PASD1: variants seen among roughly 807,000 people sequenced by gnomAD.
PASD1 encodes the protein PAS domain containing repressor 1.
A neutral mutation model predicts 58.8 loss-of-function variants in PASD1; 13 were observed. The ratio of observed to expected loss-of-function variants is 0.22; its 90% CI spans 0.14 to 0.35. The LOEUF is 0.35. PASD1 is among the 10% of genes least tolerant of loss of function. The pLI, the probability that PASD1 is intolerant of heterozygous loss-of-function variation, is 1.00. For missense variants in PASD1, 734 were observed against 568.3 expected, an observed-to-expected ratio of 1.29 and a Z score of -2.96; for synonymous variants, 236 against 216.7, an observed-to-expected ratio of 1.09 and a Z score of -0.78.
At chrX:151,643,534 A>G (rs2014021886) in intron 8 of PASD1, among the ~76,000 whole-genome samples, 1 of 111,779 alleles carries the variant, frequency 8.9e-6, no homozygotes, top group African/African-American at 3.3e-5. Flanking sequence ...CTATCAAAAC[A>G]TTTCATGTAC....
intron 8 of PASD1, among the ~76,000 whole-genome samples, chrX:151,633,469 T>G (rs1006298130): frequency 5.7e-4 from 64 of 111,459 alleles, no homozygotes; most frequent in South Asian, 7.7e-4. Context: ...TGGTGTACAT[T>G]TAACTAATCA....
chrX:151,663,987 A>G (rs1382329555), intron 10 of PASD1, 132 bp from the exon 11 acceptor site: 1 of 980,306 alleles, frequency 1.0e-6, no homozygotes, highest in Non-Finnish European at 1.4e-6. Flanking sequence ...TTAAAATAAT[A>G]TTCTGAATGA....
At chrX:151,585,369 A>C (rs2013150043) in intron 1 of PASD1, among the ~76,000 whole-genome samples, 1 of 112,182 alleles carries the variant, frequency 8.9e-6, no homozygotes, top group African/African-American at 3.2e-5. Flanking sequence ...CTTGCTGCAG[A>C]GGGCTTCAAG....
chrX:151,631,533 T>G (rs755199250), intron 8 of PASD1, among the ~76,000 whole-genome samples: 61 of 112,005 alleles, frequency 5.4e-4, no homozygotes, highest in African/African-American at 1.9e-3. Flanking sequence ...GATGGCACAT[T>G]TTCACCCAAA....
chrX:151,580,144 C>T (rs941069025), intron 1 of PASD1, among the ~76,000 whole-genome samples: 10 of 112,096 alleles, frequency 8.9e-5, no homozygotes, highest in African/African-American at 3.2e-4. Flanking sequence ...GAACACTTTA[C>T]GTATAACTTT....
intron 3 of PASD1, among the ~76,000 whole-genome samples, chrX:151,605,444 C>T (rs1227030764): frequency 1.8e-5 from 2 of 111,526 alleles, no homozygotes; most frequent in East Asian, 5.6e-4. Flanking sequence ...CCACCCAGCA[C>T]TATGACCATT....
intron 9 of PASD1, among the ~76,000 whole-genome samples, chrX:151,659,259 CAGT>C (rs756904139): frequency 1.8e-5 from 2 of 112,197 alleles, no homozygotes; most frequent in South Asian, 7.5e-4. Context: ...ATGGCCTTAT[CAGT>C]GGTGGTGCAG....
At position 151,564,193 on chromosome X, in the gene PASD1, C is replaced by T. The variant is rs777039378; in HGVS notation, c.-28+354C>T. ...GAAGAATGGAAAGCTTGCGGTGTCG[C>T]GAATAGGCCGGTCTGAGCGGGCGGT... On this transcript the variant is annotated intron_variant, in intron 1 of 15. Coordinates refer to ENST00000370357, the MANE Select transcript of PASD1 (RefSeq NM_173493.3). 3.5e-4 allele frequency among the ~76,000 whole-genome samples: 40 copies of T among 112,988 alleles called. No individual in the cohort carries two copies. The South Asian group carries it at 9.4e-3, about 27-fold the overall frequency.
At position 151,661,061 on chromosome X, in the gene PASD1, A is replaced by G. The variant is rs60499789; in HGVS notation, c.841+1225A>G. On this transcript the variant is annotated intron_variant, in intron 10 of 15. Transcript: ENST00000370357. ...TCCCAGCTATTCAGGAGGCTGGGGC[A>G]GGAGAATGGCATGAACTCGGGAGGC... Among the ~76,000 whole-genome samples the G allele has an allele frequency of 9.3e-3, 1,036 of 110,821 alleles. 13 individuals are homozygous for G. Among genetic ancestry groups the G allele is most frequent in the African/African-American group, 0.033 (991 of 30,408 alleles).
chrX:151,672,490 G>A lies in PASD1; in HGVS notation c.1745G>A (p.Arg582Lys), dbSNP rs201389348. 8.3e-5 allele frequency: 100 copies of A among 1,210,210 alleles called. No homozygotes were observed. The highest frequency in any genetic ancestry group is 1.1e-4 in the Non-Finnish European group (97 of 895,327). ...CATAATGTCATCGTGGGGAATGAGA[G>A]GGTGCAGATATGCCTGCAAAACCCA... ...LKHNVIVGNE[R>K]VQICLQNPRD... is the part of the protein sequence containing the mutation. Residue 582 changes from arginine (R) to lysine (K), a missense_variant, in exon 14 of 16, where the codon AGG becomes AAG. By Grantham distance (26) the Arg-to-Lys change is conservative. Transcript: ENST00000370357.
chrX:151,652,545 A>C lies in PASD1; in HGVS notation c.717+3843A>C, dbSNP rs1248180999. On this transcript the variant is annotated intron_variant, in intron 9 of 15. Coordinates refer to ENST00000370357, the MANE Select transcript of PASD1 (RefSeq NM_173493.3). ...GAGACTCCGTCTCAAAAAAAAAAAA[A>C]ACAAAAAACAAACAAACAAAAAAAA... 3.8e-5 allele frequency among the ~76,000 whole-genome samples: 4 copies of C among 104,948 alleles called. No individual in the cohort carries two copies. The East Asian group carries it at 1.1e-3, about 30-fold the overall frequency. The allele number at this position is 104,948 out of a possible 115,157, so 91.1% of individuals were successfully genotyped here.
chrX:151,674,455 A>G lies in PASD1; in HGVS notation c.2175+269A>G, dbSNP rs773494655. The stretch of plus-strand genomic sequence containing the variant: ...CTCTCAAAACTATGTTACATGGGCA[A>G]AGTGAGCCATGCCATGTTTTTAATC... On this transcript the variant is annotated intron_variant, in intron 15 of 15. Transcript: ENST00000370357. Among the ~76,000 whole-genome samples the G allele has an allele frequency of 3.5e-5, 4 of 112,938 alleles. No homozygotes were observed. In the South Asian group the frequency reaches 1.5e-3, roughly 41 times the overall value.
intron 1 of PASD1, among the ~76,000 whole-genome samples, chrX:151,597,394 G>A (rs1453199780): frequency 1.8e-5 from 2 of 111,774 alleles, no homozygotes; most frequent in African/African-American, 6.5e-5. Flanking sequence ...TCCTTAAATA[G>A]GTTTGGGTAA....
At chrX:151,600,157 G>C (rs756027491) in intron 1 of PASD1, among the ~76,000 whole-genome samples, 1 of 111,482 alleles carries the variant, frequency 9.0e-6, no homozygotes, top group Non-Finnish European at 1.9e-5. Flanking sequence ...CCAGGCACTC[G>C]ACAGGCTGAG....
chrX:151,603,585 A>C (rs899208247), intron 2 of PASD1, among the ~76,000 whole-genome samples: 2 of 111,255 alleles, frequency 1.8e-5, no homozygotes, highest in Admixed American at 1.9e-4. Context: ...TTGTTTCTTG[A>C]GTTTGAAGAG....
At chrX:151,620,434 A>G (rs759108415) in intron 4 of PASD1, among the ~76,000 whole-genome samples, 2,711 of 39,445 alleles carry the variant, frequency 0.069, 39 homozygotes, top group Non-Finnish European at 0.19. Context: ...AGATGTTGAC[A>G]TTTCCCATTT....
intron 4 of PASD1, among the ~76,000 whole-genome samples, chrX:151,614,174 G>A (rs930630515): frequency 4.5e-5 from 5 of 110,428 alleles, no homozygotes; most frequent in Non-Finnish European, 9.5e-5. Flanking sequence ...TAATAGAGAC[G>A]GGGTTTCACC....
intron 4 of PASD1, among the ~76,000 whole-genome samples, chrX:151,615,545 T>C (rs12857408): frequency 0.38 from 41,693 of 111,139 alleles, 5,816 homozygotes; most frequent in African/African-American, 0.41. Context: ...TCCCAACTGT[T>C]CTTAATTTTT....
chrX:151,601,227 G>T (rs1057239900), intron 1 of PASD1, among the ~76,000 whole-genome samples: 6 of 106,483 alleles, frequency 5.6e-5, no homozygotes, highest in Admixed American at 2.0e-4. Flanking sequence ...CAAATATTTG[G>T]TTTTTTTTTT....
Sources: gnomAD v4.1 joint callset for allele counts (sites outside exome capture counted in the v4.1 genomes callset) on GRCh38, gnomAD v4.1.1 for gene constraint, MANE v1.5 for transcripts, NCBI Gene and HGNC (gene_info 2026-07-23, HGNC 2026-07-21) for gene names.